Variants in FOXO3 observed in about 807,000 individuals in gnomAD.
FOXO3 encodes forkhead box protein O3.
A neutral mutation model predicts 41.9 loss-of-function variants in FOXO3; 4 were observed. The ratio of observed to expected loss-of-function variants is 0.10; its 90% confidence interval spans 0.05 to 0.22. The LOEUF is 0.22. Ranked by LOEUF, FOXO3 falls within the 10% of genes least tolerant of loss-of-function variation. The pLI is 1.00. For synonymous variants in FOXO3, 318 were observed against 389.3 expected (o/e 0.82, Z 2.16); for missense variants, 534 against 906.8 (o/e 0.59, Z 5.28).
chr6:108,600,546 CAAAAAAAAA>C (rs56888212), intron 1 of FOXO3, among the ~76,000 whole-genome samples: 1 of 47,744 alleles, frequency 2.1e-5, no homozygotes, highest in Admixed American at 2.8e-4. Context: ...GTCTCCATCT[CAAAAAAAAA>C]AAAAAAAAAA....
chr6:108,615,994 T>C (rs1777494474), intron 1 of FOXO3, among the ~76,000 whole-genome samples: 1 of 151,722 alleles, frequency 6.6e-6, no homozygotes, highest in South Asian at 2.1e-4. Flanking sequence ...TTATAATTTT[T>C]TTTTTTCCTT....
chr6:108,560,756 C>T (rs1775752802), upstream of FOXO3: 2 of 259,740 alleles, frequency 7.7e-6, no homozygotes, highest in East Asian at 6.8e-5. Context: ...CCGCTGCCCG[C>T]TTTAAAGGCG....
intron 1 of FOXO3, among the ~76,000 whole-genome samples, chr6:108,640,465 A>G (rs997575307): frequency 7.2e-5 from 11 of 152,250 alleles, no homozygotes; most frequent in Non-Finnish European, 1.5e-4. Context: ...TTTACTAAGC[A>G]CATACTTGTA....
chr6:108,571,523 A>G (rs1776097152), intron 1 of FOXO3, among the ~76,000 whole-genome samples: 2 of 152,224 alleles, frequency 1.3e-5, no homozygotes, highest in Non-Finnish European at 2.9e-5. Context: ...TCCTAAATCC[A>G]GTGACTGGTG....
chr6:108,629,799 C>A (rs1261750170), intron 1 of FOXO3, among the ~76,000 whole-genome samples: 2 of 151,944 alleles, frequency 1.3e-5, no homozygotes, highest in Non-Finnish European at 2.9e-5. Context: ...AGATAATAAG[C>A]CAGTGAAATA....
chr6:108,657,829 G>A (rs1778732569), intron 1 of FOXO3, among the ~76,000 whole-genome samples: 1 of 152,128 alleles, frequency 6.6e-6, no homozygotes, highest in Non-Finnish European at 1.5e-5. Context: ...ATTTTATCTG[G>A]CATCTATTTA....
At chr6:108,572,916 T>A (rs564518925) in intron 1 of FOXO3, among the ~76,000 whole-genome samples, 1 of 152,260 alleles carries the variant, frequency 6.6e-6, no homozygotes, top group East Asian at 1.9e-4. Context: ...GCTCTCTGAC[T>A]TGGGAGCATC....
chr6:108,594,559 C>T (rs1776823865), intron 1 of FOXO3, among the ~76,000 whole-genome samples: 1 of 152,160 alleles, frequency 6.6e-6, no homozygotes, highest in Admixed American at 6.5e-5. Context: ...TCCCTCCCAC[C>T]TTTACCTCCC....
At chr6:108,599,205 C>T (rs1167153131) in intron 1 of FOXO3, among the ~76,000 whole-genome samples, 1 of 152,122 alleles carries the variant, frequency 6.6e-6, no homozygotes, top group African/African-American at 2.4e-5. Flanking sequence ...GTTGGGTCTG[C>T]TCTTTAAAAA....
Position 108,614,990 on chromosome 6 carries a change from A to G in FOXO3, c.622-48465A>G, listed in dbSNP as rs768172069. Among the ~76,000 whole-genome samples the G allele has an allele frequency of 6.0e-4, 91 of 152,082 alleles. 2 individuals are homozygous for G. Among genetic ancestry groups the G allele is most frequent in the Non-Finnish European group, 6.6e-4 (45 of 67,986 alleles). On this transcript the variant is annotated intron_variant, in intron 1 of 2. Transcript: ENST00000406360. ...TACACATCTTTAACTGATGATAGTCAATCTTCTGCCACTTTACATGGAGTA... is the reference window on the plus strand; with the variant it reads ...TACACATCTTTAACTGATGATAGTCGATCTTCTGCCACTTTACATGGAGTA...
chr6:108,571,114 T>G (rs1380009504), intron 1 of FOXO3, among the ~76,000 whole-genome samples: 1 of 152,224 alleles, frequency 6.6e-6, no homozygotes, highest in East Asian at 1.9e-4. Context: ...CTATTTTGAT[T>G]GGGACTTTTG....
At chr6:108,643,661 A>AGG (rs1432579364) in intron 1 of FOXO3, among the ~76,000 whole-genome samples, 2 of 152,172 alleles carry the variant, frequency 1.3e-5, no homozygotes, top group African/African-American at 4.8e-5. Flanking sequence ...AGAATGTAAG[A>AGG]GGAGAGTACA....
chr6:108,566,500 C>T (rs1282660405), intron 1 of FOXO3, among the ~76,000 whole-genome samples: 2 of 152,120 alleles, frequency 1.3e-5, no homozygotes, highest in Non-Finnish European at 2.9e-5. Context: ...CATGAAAATG[C>T]AAAGATAAGG....
intron 1 of FOXO3, among the ~76,000 whole-genome samples, chr6:108,612,269 A>G (rs1777384724): frequency 6.6e-6 from 1 of 152,210 alleles, no homozygotes; most frequent in African/African-American, 2.4e-5. Context: ...TAAAAATATA[A>G]TTAATTGGGT....
intron 1 of FOXO3, among the ~76,000 whole-genome samples, chr6:108,583,954 A>G (rs1048024975): frequency 5.9e-5 from 9 of 152,200 alleles, no homozygotes; most frequent in African/African-American, 1.9e-4. Context: ...CTTCAGCAGT[A>G]TGGGTTGGTG....
rs756562609 is a variant in FOXO3 at position 108,596,015 on chromosome 6, G to A, written c.621+34186G>A. Reference sequence around the variant, plus strand: ...CCCAGATACTGCTTCCTTCTTGTCCGTTTTGTTTAAACTTTCCATTCATAT... The same window carrying A: ...CCCAGATACTGCTTCCTTCTTGTCCATTTTGTTTAAACTTTCCATTCATAT... On this transcript the variant is annotated intron_variant, in intron 1 of 2. Coordinates refer to ENST00000406360, the MANE Select transcript of FOXO3 (RefSeq NM_001455.4). 5.9e-5 allele frequency among the ~76,000 whole-genome samples: 9 copies of A among 151,956 alleles called. No homozygotes were observed. In the South Asian group the frequency reaches 6.2e-4, roughly 11 times the overall value.
chr6:108,578,549 G>A (rs1776323491), intron 1 of FOXO3, among the ~76,000 whole-genome samples: 1 of 152,208 alleles, frequency 6.6e-6, no homozygotes, highest in Non-Finnish European at 1.5e-5. Context: ...ATCCACTCAG[G>A]TGTATAGAGG....
At chr6:108,562,656 AGGTTTGGGGGC>A (rs1323172189) in intron 1 of FOXO3, among the ~76,000 whole-genome samples, 1 of 151,632 alleles carries the variant, frequency 6.6e-6, no homozygotes, top group Non-Finnish European at 1.5e-5. Flanking sequence ...GTTTGGGAGG[AGGTTTGGGGGC>A]TGGGCCGGGC....
chr6:108,661,306 G>C (rs57178005), intron 1 of FOXO3, among the ~76,000 whole-genome samples: 5,272 of 152,102 alleles, frequency 0.035, 309 homozygotes, highest in African/African-American at 0.12. Context: ...TACAGTTCGT[G>C]ATTGCCAATT....
Sources: allele counts gnomAD v4.1 joint callset (sites outside exome capture counted in the v4.1 genomes callset), GRCh38; gene constraint gnomAD v4.1.1; transcripts MANE v1.5; gene names NCBI Gene and HGNC (gene_info 2026-07-23, HGNC 2026-07-21).